The following LUZP2 variants were observed in gnomAD, a reference collection of about 807,000 sequenced individuals.
LUZP2 encodes the protein leucine zipper protein 2.
LUZP2 carries 52 observed loss-of-function variants against 51.6 expected under a neutral mutation model. The observed-to-expected ratio is 1.01, with a 90% confidence interval of 0.81 to 1.27. LUZP2 has a LOEUF of 1.27. LUZP2 is among the 50% of genes most tolerant of loss of function. The probability of loss-of-function intolerance (pLI) is 0.00; values close to 1 mark genes in which losing one functional copy is unlikely to be tolerated. For missense variants in LUZP2, 436 were observed against 395.4 expected, an observed-to-expected ratio of 1.10 and a Z score of -0.87; for synonymous variants, 154 against 137.3, an observed-to-expected ratio of 1.12 and a Z score of -0.85.
rs375746294 is a variant in LUZP2 at position 24,905,441 on chromosome 11, T to A, written c.397-550T>A. Among the ~76,000 whole-genome samples the A allele has an allele frequency of 5.9e-5, 9 of 152,118 alleles. No individual in the cohort carries two copies. The East Asian group carries it at 1.4e-3, about 23-fold the overall frequency. ...TACCTGAGAGGCTGAGGCAGGAGAA[T>A]AGCTTCAACCTGGAAGGCAGAGGTT... On this transcript the variant is annotated intron_variant, in intron 5 of 11. Transcript: ENST00000336930.
chr11:24,725,576 T>G (rs2133959254), intron 1 of LUZP2, among the ~76,000 whole-genome samples: 1 of 151,854 alleles, frequency 6.6e-6, no homozygotes, highest in Non-Finnish European at 1.5e-5. Flanking sequence ...TTAATCTAAA[T>G]AAATTATTTA....
intron 1 of LUZP2, among the ~76,000 whole-genome samples, chr11:24,688,918 CT>C (rs1856979321): frequency 6.6e-6 from 1 of 152,124 alleles, no homozygotes; most frequent in Non-Finnish European, 1.5e-5. Context: ...AGTTAAAGAT[CT>C]CAGCCCTCCC....
chr11:24,689,234 T>C (rs1230789352), intron 1 of LUZP2, among the ~76,000 whole-genome samples: 4 of 152,120 alleles, frequency 2.6e-5, no homozygotes, highest in Non-Finnish European at 4.4e-5. Flanking sequence ...TGCATTTTTT[T>C]CCCCCTAATT....
chr11:24,707,673 A>G (rs141318378), intron 1 of LUZP2, among the ~76,000 whole-genome samples: 12 of 152,282 alleles, frequency 7.9e-5, no homozygotes, highest in African/African-American at 2.4e-4. Context: ...AGCTCAAAAA[A>G]AGAGAGTGAA....
At chr11:24,693,108 C>T (rs979676659) in intron 1 of LUZP2, among the ~76,000 whole-genome samples, 30 of 151,814 alleles carry the variant, frequency 2.0e-4, no homozygotes, top group African/African-American at 7.2e-4. Context: ...TTGGCTTTCT[C>T]TTATTTAGTA....
At chr11:25,058,871 A>T (rs1295986787) in intron 10 of LUZP2, among the ~76,000 whole-genome samples, 1 of 152,234 alleles carries the variant, frequency 6.6e-6, no homozygotes, top group Non-Finnish European at 1.5e-5. Flanking sequence ...TTAAACCAGC[A>T]CTAAAACATT....
chr11:24,758,597 T>C (rs1344301826), intron 4 of LUZP2, among the ~76,000 whole-genome samples: 1 of 152,102 alleles, frequency 6.6e-6, no homozygotes, highest in Non-Finnish European at 1.5e-5. Context: ...AAAGGAAGAC[T>C]ATAGTTGTAA....
chr11:25,054,742 G>A (rs1191922065), intron 10 of LUZP2, among the ~76,000 whole-genome samples: 1 of 151,782 alleles, frequency 6.6e-6, no homozygotes, highest in Non-Finnish European at 1.5e-5. Flanking sequence ...GGTTACCATA[G>A]TAGGTGTATA....
intron 1 of LUZP2, among the ~76,000 whole-genome samples, chr11:24,677,279 T>A (rs1856590316): frequency 2.0e-5 from 3 of 152,194 alleles, no homozygotes; most frequent in Admixed American, 1.3e-4. Context: ...TCTCTCTACA[T>A]TAACATTTTT....
intron 1 of LUZP2, among the ~76,000 whole-genome samples, chr11:24,512,294 C>T (rs1421987065): frequency 6.6e-6 from 1 of 152,078 alleles, no homozygotes; most frequent in African/African-American, 2.4e-5. Context: ...AGAATTCTAA[C>T]ATTTCAGATC....
intron 5 of LUZP2, among the ~76,000 whole-genome samples, chr11:24,850,769 A>G (rs1430419835): frequency 6.6e-6 from 1 of 152,030 alleles, no homozygotes; most frequent in Non-Finnish European, 1.5e-5. Context: ...ATATTTTTCC[A>G]TTTGTTTGTG....
At chr11:24,583,761 T>A (rs1044396937) in intron 1 of LUZP2, among the ~76,000 whole-genome samples, 1 of 151,334 alleles carries the variant, frequency 6.6e-6, no homozygotes, top group Non-Finnish European at 1.5e-5. Context: ...TGGAGCTCAG[T>A]GGGGCGATCT....
intron 10 of LUZP2, among the ~76,000 whole-genome samples, chr11:25,059,213 A>G (rs377227623): frequency 6.6e-6 from 1 of 152,170 alleles, no homozygotes; most frequent in East Asian, 1.9e-4. Context: ...TCTTTAGTGA[A>G]GTATAAAGAA....
At position 24,647,845 on chromosome 11, in the gene LUZP2, T is replaced by C. The variant is rs543491435; in HGVS notation, c.63-81324T>C. On this transcript the variant is annotated intron_variant, in intron 1 of 11. Coordinates refer to ENST00000336930, the MANE Select transcript of LUZP2 (RefSeq NM_001009909.4). Reference sequence around the variant, plus strand: ...TCAAATAACTATATCTATTTTAATATCACCCTCTCTCTTTTTGAATACCCT... The same window carrying C: ...TCAAATAACTATATCTATTTTAATACCACCCTCTCTCTTTTTGAATACCCT... 2.0e-5 allele frequency among the ~76,000 whole-genome samples: 3 copies of C among 152,042 alleles called. No homozygotes were observed. The South Asian group carries it at 6.2e-4, about 31-fold the overall frequency.
chr11:25,025,003 C>T (rs183486331), intron 9 of LUZP2, among the ~76,000 whole-genome samples: 6,754 of 151,816 alleles, frequency 0.044, 358 homozygotes, highest in African/African-American at 0.12. Context: ...ACATCTACAA[C>T]CATCTGATCT....
Position 24,965,849 on chromosome 11 carries a change from C to A in LUZP2, c.523-10742C>A, listed in dbSNP as rs550968658. Among the ~76,000 whole-genome samples the A allele has an allele frequency of 6.9e-4, 104 of 151,652 alleles. 2 individuals are homozygous for A. In the South Asian group the frequency reaches 0.021, roughly 30 times the overall value. ...ATGTGTCTATTACTATAGATAGCAC[C>A]CAAGGAATCATAAATTCCTTTAGAT... On this transcript the variant is annotated intron_variant, in intron 7 of 11. Transcript: ENST00000336930.
intron 5 of LUZP2, among the ~76,000 whole-genome samples, chr11:24,793,792 C>T (rs898481318): frequency 1.3e-5 from 2 of 152,076 alleles, no homozygotes; most frequent in African/African-American, 4.8e-5. Context: ...TATTAAACAG[C>T]TCTTAGGCAA....
intron 10 of LUZP2, among the ~76,000 whole-genome samples, chr11:25,074,288 G>T (rs997904524): frequency 4.6e-5 from 7 of 152,118 alleles, no homozygotes; most frequent in African/African-American, 1.2e-4. Flanking sequence ...ATTCAGTATA[G>T]TAATGTGGCC....
intron 1 of LUZP2, among the ~76,000 whole-genome samples, chr11:24,583,062 G>T (rs1156647768): frequency 6.6e-6 from 1 of 151,958 alleles, no homozygotes; most frequent in Non-Finnish European, 1.5e-5. Context: ...TTATCATTCA[G>T]CCCTTTTCTT....
Sources: gnomAD v4.1 joint callset for allele counts (sites outside exome capture counted in the v4.1 genomes callset) on GRCh38, gnomAD v4.1.1 for gene constraint, MANE v1.5 for transcripts, NCBI Gene and HGNC (gene_info 2026-07-23, HGNC 2026-07-21) for gene names.